The following MORF4L1 variants were observed in gnomAD, a reference collection of about 807,000 sequenced individuals.
MORF4L1 encodes the protein mortality factor 4 like 1.
Under a neutral mutation model 52.9 loss-of-function variants are expected in MORF4L1, and 4 were observed. The ratio of observed to expected loss-of-function variants is 0.08; its 90% confidence interval spans 0.04 to 0.17. The LOEUF (loss-of-function observed/expected upper bound fraction) is 0.17. Among genes scored for constraint, MORF4L1 ranks in the 10% least tolerant of loss-of-function variants. The pLI, the probability that MORF4L1 is intolerant of heterozygous loss-of-function variation, is 1.00. For synonymous variants in MORF4L1, 123 were observed against 134.8 expected (o/e 0.91, Z 0.61); for missense variants, 214 against 390.4 (o/e 0.55, Z 3.81).
intron 11 of MORF4L1, among the ~76,000 whole-genome samples, chr15:78,896,446 GATT>G (rs1273816767): frequency 6.6e-6 from 1 of 151,310 alleles, no homozygotes; most frequent in Non-Finnish European, 1.5e-5. Context: ...GAGTATCTGG[GATT>G]ACAGGCATGC....
intron 5 of MORF4L1, 21 bp downstream of exon 5, chr15:78,887,370 AT>A: frequency 6.3e-7 from 1 of 1,585,332 alleles, no homozygotes; most frequent in Non-Finnish European, 8.6e-7. Context: ...CTTTGTTTTG[AT>A]TTTGCATACT....
chr15:78,889,569 G>C (rs1294442243), intron 5 of MORF4L1, among the ~76,000 whole-genome samples: 1 of 152,016 alleles, frequency 6.6e-6, no homozygotes, highest in East Asian at 1.9e-4. Context: ...GAGGTGAGTG[G>C]GTAAAGGATT....
At chr15:78,877,998 C>G (rs774173029) in intron 1 of MORF4L1, 2 of 451,192 alleles carry the variant, frequency 4.4e-6, no homozygotes, top group Admixed American at 4.1e-5. Context: ...GATTGACCTG[C>G]TAATGAATTG....
chr15:78,885,769 A>AT (rs1307443190), intron 3 of MORF4L1, among the ~76,000 whole-genome samples: 27 of 152,224 alleles, frequency 1.8e-4, no homozygotes, highest in African/African-American at 5.1e-4. Flanking sequence ...GCTGGTTTTA[A>AT]TTTTTAAAAA....
chr15:78,878,083 C>T (rs1328708537), intron 1 of MORF4L1, 130 bp from the exon 2 acceptor site: 11 of 799,522 alleles, frequency 1.4e-5, no homozygotes, highest in Non-Finnish European at 1.9e-5. Flanking sequence ...AAGTGGTGCT[C>T]TGTATACCCG....
chr15:78,893,187 G>A (rs1240194552), intron 8 of MORF4L1, among the ~76,000 whole-genome samples: 3 of 152,200 alleles, frequency 2.0e-5, no homozygotes. Flanking sequence ...TACCACAAAG[G>A]CACATTCGTG....
intron 4 of MORF4L1, among the ~76,000 whole-genome samples, chr15:78,886,887 A>G (rs530658719): frequency 1.8e-4 from 27 of 151,872 alleles, no homozygotes; most frequent in African/African-American, 6.0e-4. Context: ...CCCGGGAGGC[A>G]GAGCTTTCAG....
At chr15:78,880,622 A>C in intron 3 of MORF4L1, 43 bp downstream of exon 3, 2 of 1,413,480 alleles carry the variant, frequency 1.4e-6, no homozygotes, top group Non-Finnish European at 2.0e-6. Context: ...TTAACAAGAT[A>C]GCTTGTGTCA....
intron 3 of MORF4L1, 113 bp downstream of exon 3, chr15:78,880,692 T>TA: frequency 1.4e-6 from 1 of 706,604 alleles, no homozygotes; most frequent in East Asian, 3.0e-5. Context: ...ATATAGTACA[T>TA]ATTGAAGCAA....
In MORF4L1 at chr15:78,891,587, T is replaced by G. The variant is rs544709193; in HGVS notation, c.438+15T>G. The G allele has an allele frequency of 4.4e-6, 7 of 1,582,306 alleles. No homozygotes were observed. The Admixed American group carries it at 1.0e-4, about 23-fold the overall frequency. On this transcript the variant is annotated intron_variant, in intron 7 of 11. Coordinates refer to ENST00000426013, the MANE Select transcript of MORF4L1 (RefSeq NM_006791.4). ...CTGTTGAAAATGTGAGTTTTTCTTG[T>G]GTTTATGAATAGCATGTTAGGATTT...
At position 78,874,272 on chromosome 15, in the gene MORF4L1, G is replaced by T. The variant is rs2056435099; in HGVS notation, c.40+1215G>T. On this transcript the variant is annotated intron_variant, in intron 1 of 11. Transcript: ENST00000426013. ...TTTTGTTCTAGGGGTTTTTAGACTT[G>T]CATTAGAATTCCTTTTAGAGCCGTA... is the stretch of plus-strand genomic sequence containing the variant. Among the ~76,000 whole-genome samples, 3 of 152,166 alleles carry T rather than the reference G, an allele frequency of 2.0e-5. No homozygotes were observed. In the South Asian group the frequency reaches 6.2e-4, roughly 31 times the overall value.
chr15:78,890,761 C>A, intron 5 of MORF4L1: 1 of 303,932 alleles, frequency 3.3e-6, no homozygotes, highest in Non-Finnish European at 5.8e-6. Context: ...GGATTACAGG[C>A]ATGTGCCACT....
At chr15:78,894,773 G>GC in intron 10 of MORF4L1, 47 bp from the exon 11 acceptor site, 2 of 1,359,710 alleles carry the variant, frequency 1.5e-6, no homozygotes, top group Non-Finnish European at 2.1e-6. Context: ...TGGTTGTAGT[G>GC]CCCCTGCCTT....
At chr15:78,895,332 C>T (rs944941640) in intron 11 of MORF4L1, among the ~76,000 whole-genome samples, 1 of 152,110 alleles carries the variant, frequency 6.6e-6, no homozygotes, top group African/African-American at 2.4e-5. Flanking sequence ...AAGAAATGAA[C>T]AAACCAGTGA....
chr15:78,879,485 G>T (rs2056559967), intron 2 of MORF4L1, among the ~76,000 whole-genome samples: 1 of 152,184 alleles, frequency 6.6e-6, no homozygotes, highest in African/African-American at 2.4e-5. Flanking sequence ...CTCCCAAAGT[G>T]TTGGGATTAG....
intron 3 of MORF4L1, chr15:78,884,837 A>G (rs2056670566): frequency 5.8e-6 from 3 of 519,602 alleles, no homozygotes; most frequent in South Asian, 5.8e-5. Flanking sequence ...AGATTTCTAA[A>G]TTTTCAAACC....
intron 11 of MORF4L1, among the ~76,000 whole-genome samples, chr15:78,896,312 T>TC (rs199889435): frequency 6.4e-5 from 6 of 93,944 alleles, no homozygotes; most frequent in Non-Finnish European, 1.0e-4. Context: ...TCTTTTCTTT[T>TC]TTTTTTTTTT....
chr15:78,884,888 T>G, intron 3 of MORF4L1: 1 of 955,722 alleles, frequency 1.0e-6, no homozygotes, highest in Non-Finnish European at 1.5e-6. Context: ...ACTCCATTTG[T>G]AAATGAATCT....
At chr15:78,873,277 GGA>G (rs2056404428) in intron 1 of MORF4L1, 6 of 1,432,920 alleles carry the variant, frequency 4.2e-6, no homozygotes, top group East Asian at 2.6e-5. Context: ...CGTTAGAGTG[GGA>G]GAGAGAGCGT....
Sources: allele counts gnomAD v4.1 joint callset (sites outside exome capture counted in the v4.1 genomes callset), GRCh38; gene constraint gnomAD v4.1.1; transcripts MANE v1.5; gene names NCBI Gene and HGNC (gene_info 2026-07-23, HGNC 2026-07-21).